Variants in COL22A1 observed in about 807,000 individuals in gnomAD.
COL22A1 encodes collagen type XXII alpha 1 chain, also known as collagen alpha-1(XXII) chain.
COL22A1 carries 221 observed loss-of-function variants against 248.9 expected under a neutral mutation model. The observed-to-expected ratio is 0.89, with a 90% CI of 0.80 to 0.99. The LOEUF (loss-of-function observed/expected upper bound fraction) is 0.99. Ranked by LOEUF, COL22A1 falls within the 50% of genes least tolerant of loss-of-function variation. COL22A1 has a pLI of 0.00. For synonymous variants in COL22A1, 891 were observed against 793.4 expected (o/e 1.12, Z -2.07); for missense variants, 2,240 against 2,179.0 (o/e 1.03, Z -0.56).
chr8:138,786,669 G>A (rs1815551535), intron 12 of COL22A1, among the ~76,000 whole-genome samples: 1 of 152,144 alleles, frequency 6.6e-6, no homozygotes, highest in South Asian at 2.1e-4. Flanking sequence ...ACTTTGGGAG[G>A]CCAAGGCAGG....
chr8:138,841,526 G>C (rs1424297585), intron 4 of COL22A1, among the ~76,000 whole-genome samples: 1 of 152,162 alleles, frequency 6.6e-6, no homozygotes, highest in Non-Finnish European at 1.5e-5. Flanking sequence ...AATACCATCA[G>C]CTAAGGGGAG....
chr8:138,762,485 T>C lies in COL22A1; in HGVS notation c.1804-19A>G. ...GCTCTCCCTGGCAAAAGAAGGCAAATGGTGAAATAAAGAGGTTAGTGACCA... is the reference window on the plus strand; with the variant it reads ...GCTCTCCCTGGCAAAAGAAGGCAAACGGTGAAATAAAGAGGTTAGTGACCA... On this transcript the variant is annotated intron_variant, in intron 16 of 64. Transcript: ENST00000303045. 6.2e-7 allele frequency: 1 copy of C among 1,613,368 alleles called. No homozygotes were observed.
At chr8:138,720,703 A>G (rs878975707) in intron 27 of COL22A1, 36 bp downstream of exon 27, 2 of 1,566,764 alleles carry the variant, frequency 1.3e-6, no homozygotes. Context: ...CACTCAGAAT[A>G]GCAAGCATAA....
At chr8:138,788,325 C>A (rs1233415321) in intron 12 of COL22A1, among the ~76,000 whole-genome samples, 1 of 152,206 alleles carries the variant, frequency 6.6e-6, no homozygotes, top group East Asian at 1.9e-4. Flanking sequence ...AACATGAACT[C>A]AAATCCTGGC....
intron 40 of COL22A1, among the ~76,000 whole-genome samples, chr8:138,677,274 G>C (rs1423815427): frequency 1.6e-4 from 25 of 152,172 alleles, no homozygotes; most frequent in Non-Finnish European, 2.9e-5. Flanking sequence ...CCTACAAGGG[G>C]AACAGGACAG....
chr8:138,788,212 G>C (rs1294342475), intron 12 of COL22A1, among the ~76,000 whole-genome samples: 2 of 152,110 alleles, frequency 1.3e-5, no homozygotes, highest in Non-Finnish European at 2.9e-5. Flanking sequence ...TCTGGGAGTG[G>C]GGTCCAGCCT....
intron 39 of COL22A1, among the ~76,000 whole-genome samples, chr8:138,681,685 G>A (rs1242970930): frequency 6.6e-6 from 1 of 152,156 alleles, no homozygotes; most frequent in Non-Finnish European, 1.5e-5. Context: ...CTTCAGATTG[G>A]TGGTTAATGC....
intron 4 of COL22A1, among the ~76,000 whole-genome samples, 178 bp from the exon 5 acceptor site, chr8:138,833,328 C>A (rs920670695): frequency 6.6e-6 from 1 of 152,188 alleles, no homozygotes; most frequent in South Asian, 2.1e-4. Flanking sequence ...AGTAATGGGA[C>A]GTATAGCCTT....
chr8:138,697,153 T>C, intron 32 of COL22A1, among the ~76,000 whole-genome samples: 1 of 152,094 alleles, frequency 6.6e-6, no homozygotes, highest in East Asian at 1.9e-4. Context: ...AGGCAGCACC[T>C]TCCCTCCAGG....
At chr8:138,703,399 C>T (rs1828128848) in intron 30 of COL22A1, 52 bp from the exon 31 acceptor site, 7 of 1,510,306 alleles carry the variant, frequency 4.6e-6, no homozygotes, top group Non-Finnish European at 6.4e-6. Flanking sequence ...CCCAACTCTG[C>T]TTATGCTGCA....
At chr8:138,903,104 C>G (rs1167991313) in intron 1 of COL22A1, among the ~76,000 whole-genome samples, 1 of 152,104 alleles carries the variant, frequency 6.6e-6, no homozygotes, top group Non-Finnish European at 1.5e-5. Context: ...CAGGAATTAA[C>G]TTATGAATTA....
At chr8:138,608,912 A>T (rs1428190316) in intron 56 of COL22A1, among the ~76,000 whole-genome samples, 2 of 152,126 alleles carry the variant, frequency 1.3e-5, no homozygotes, top group Non-Finnish European at 2.9e-5. Context: ...CTAGGAGGAG[A>T]GAGCCTCCTT....
In COL22A1 at chr8:138,826,663, G is replaced by C. The variant is rs754188252; in HGVS notation, c.964C>G (p.Pro322Ala). Residue 322 changes from proline (P) to alanine (A), a missense_variant, in exon 6 of 65, where the codon CCA becomes GCA. By Grantham distance (27) the Pro-to-Ala change is conservative. Transcript: ENST00000303045. ...AAGGCATCTGCTGCCCTTACCTGTGGGATGCTGTACTGGTCGATGACCTGC... is the reference window on the plus strand; with the variant it reads ...AAGGCATCTGCTGCCCTTACCTGTGCGATGCTGTACTGGTCGATGACCTGC... Reference protein sequence around the residue: ...IWQVIDQYSIPQVSIRLDGEN... With the variant: ...IWQVIDQYSIAQVSIRLDGEN... 1.7e-5 allele frequency: 28 copies of C among 1,613,738 alleles called. No individual in the cohort carries two copies. In the East Asian group the frequency reaches 6.2e-4, roughly 36 times the overall value.
intron 22 of COL22A1, among the ~76,000 whole-genome samples, chr8:138,742,214 A>G (rs1481178021): frequency 9.4e-5 from 13 of 137,864 alleles, no homozygotes; most frequent in Non-Finnish European, 2.0e-4. Context: ...CGTGATGGTG[A>G]TGGTGGAGTT....
At chr8:138,810,635 G>A (rs1563794673) in intron 9 of COL22A1, among the ~76,000 whole-genome samples, 1 of 152,208 alleles carries the variant, frequency 6.6e-6, no homozygotes, top group Non-Finnish European at 1.5e-5. Flanking sequence ...GGAGGCCAGA[G>A]TTCGATGTCC....
chr8:138,631,283 A>G (rs1820701937), intron 49 of COL22A1, among the ~76,000 whole-genome samples: 2 of 152,178 alleles, frequency 1.3e-5, no homozygotes, highest in South Asian at 4.1e-4. Context: ...AGCTTCCTGA[A>G]CCATAAATAT....
At position 138,882,652 on chromosome 8, in the gene COL22A1, TCA is replaced by T. The variant is rs199667223; in HGVS notation, c.91+428_91+429del. On this transcript the variant is annotated intron_variant, in intron 2 of 64. Transcript: ENST00000303045. ...CAAACTCACACACTCTCACACTCCC[TCA>T]CACACTCCCTCAAACTCACACTCCC... Among the ~76,000 whole-genome samples the T allele has an allele frequency of 5.5e-3, 737 of 134,238 alleles. 8 individuals are homozygous for T. The highest frequency in any genetic ancestry group is 0.02 in the African/African-American group (706 of 35,516). 88.1% of individuals were successfully genotyped at this position (134,238 alleles called of 152,430 possible).
chr8:138,818,147 T>A (rs1818828490), intron 7 of COL22A1, among the ~76,000 whole-genome samples: 1 of 152,152 alleles, frequency 6.6e-6, no homozygotes, highest in Non-Finnish European at 1.5e-5. Flanking sequence ...AGCCTCCGTA[T>A]CCTTGTCTGT....
intron 3 of COL22A1, among the ~76,000 whole-genome samples, chr8:138,860,392 A>C (rs1229188434): frequency 6.6e-6 from 1 of 152,188 alleles, no homozygotes; most frequent in Non-Finnish European, 1.5e-5. Context: ...ACCCAGACTG[A>C]GCGAGCCAGC....
Sources: allele counts gnomAD v4.1 joint callset (sites outside exome capture counted in the v4.1 genomes callset), GRCh38; gene constraint gnomAD v4.1.1; transcripts MANE v1.5; gene names NCBI Gene and HGNC (gene_info 2026-07-23, HGNC 2026-07-21).